The following EXOC4 variants were observed in gnomAD, a reference collection of about 807,000 sequenced individuals.
The protein encoded by EXOC4 is SEC8-like 1.
Under a neutral mutation model 107.2 loss-of-function variants are expected in EXOC4, and 71 were observed. The observed-to-expected ratio is 0.66, with a 90% CI of 0.55 to 0.81. EXOC4 has a LOEUF of 0.81. EXOC4 is among the 30% of genes least tolerant of loss of function. EXOC4 has a pLI of 0.00. For synonymous variants in EXOC4, 456 were observed against 441.2 expected, an observed-to-expected ratio of 1.03 and a Z score of -0.42; for missense variants, 1,108 against 1,189.6, an observed-to-expected ratio of 0.93 and a Z score of 1.01.
At chr7:133,253,230 G>C in intron 1 of EXOC4, 43 bp downstream of exon 1, 1 of 1,596,730 alleles carries the variant, frequency 6.3e-7, no homozygotes, top group South Asian at 1.1e-5. Context: ...GGGGGCAGCG[G>C]CTCGACCTCC....
At chr7:133,504,541 A>G (rs946122029) in intron 9 of EXOC4, among the ~76,000 whole-genome samples, 2 of 151,986 alleles carry the variant, frequency 1.3e-5, no homozygotes, top group Non-Finnish European at 2.9e-5. Flanking sequence ...CTACTGGCGC[A>G]TTTTTGCTTT....
chr7:133,757,433 A>G (rs542082234), intron 10 of EXOC4, among the ~76,000 whole-genome samples: 3 of 152,158 alleles, frequency 2.0e-5, no homozygotes, highest in Non-Finnish European at 4.4e-5. Context: ...TCAGCTTTGG[A>G]AGTGTCCAGG....
At chr7:133,773,249 T>A (rs185574774) in intron 10 of EXOC4, among the ~76,000 whole-genome samples, 3 of 152,138 alleles carry the variant, frequency 2.0e-5, no homozygotes, top group African/African-American at 4.8e-5. Context: ...TCAAGCTTTT[T>A]CAACCCAAGT....
chr7:134,063,066 A>G (rs1397838454), intron 17 of EXOC4, among the ~76,000 whole-genome samples: 1 of 152,208 alleles, frequency 6.6e-6, no homozygotes, highest in Non-Finnish European at 1.5e-5. Context: ...TCTCTGGAAG[A>G]AGGAAGTCCT....
At chr7:133,452,566 C>T (rs1798372162) in intron 7 of EXOC4, among the ~76,000 whole-genome samples, 1 of 149,316 alleles carries the variant, frequency 6.7e-6, no homozygotes, top group Admixed American at 6.7e-5. Flanking sequence ...CAACCTTTAG[C>T]TCTCTGTGCA....
chr7:133,961,282 T>TTTTC, intron 14 of EXOC4, among the ~76,000 whole-genome samples: 1 of 126,100 alleles, frequency 7.9e-6, no homozygotes, highest in Non-Finnish European at 1.7e-5. Flanking sequence ...ATGTCAAACT[T>TTTTC]TTTTTTTTTT....
intron 17 of EXOC4, among the ~76,000 whole-genome samples, chr7:134,063,304 C>T (rs967629715): frequency 9.2e-5 from 14 of 152,200 alleles, no homozygotes; most frequent in African/African-American, 3.4e-4. Context: ...AGTCCCACAC[C>T]ATCCCCTCAG....
At chr7:133,834,492 CT>C (rs1475386014) in intron 11 of EXOC4, among the ~76,000 whole-genome samples, 1 of 152,220 alleles carries the variant, frequency 6.6e-6, no homozygotes, top group Non-Finnish European at 1.5e-5. Context: ...TCTCGTACCC[CT>C]TTGTTCAGGT....
At chr7:133,766,652 C>G (rs1236639666) in intron 10 of EXOC4, among the ~76,000 whole-genome samples, 3 of 151,962 alleles carry the variant, frequency 2.0e-5, no homozygotes, top group Non-Finnish European at 4.4e-5. Flanking sequence ...TTAAGGAAAA[C>G]CTTGCCTGCC....
chr7:133,746,939 T>C (rs1294566789), intron 10 of EXOC4, among the ~76,000 whole-genome samples: 1 of 151,992 alleles, frequency 6.6e-6, no homozygotes, highest in Admixed American at 6.6e-5. Flanking sequence ...AAACAGGAGA[T>C]GAGAGAAAGA....
intron 9 of EXOC4, among the ~76,000 whole-genome samples, chr7:133,528,753 A>G (rs1360534929): frequency 3.9e-5 from 6 of 152,188 alleles, no homozygotes; most frequent in Admixed American, 3.9e-4. Flanking sequence ...GAGCCAACAC[A>G]TTTGTCTGAA....
intron 9 of EXOC4, among the ~76,000 whole-genome samples, chr7:133,540,913 A>G (rs1800366944): frequency 6.6e-6 from 1 of 152,206 alleles, no homozygotes; most frequent in Non-Finnish European, 1.5e-5. Flanking sequence ...TTTTTACACA[A>G]TGAATCGAAG....
rs561467703 is a variant in EXOC4 at position 133,400,339 on chromosome 7, G to C, written c.1182+25337G>C. Among the ~76,000 whole-genome samples the C allele has an allele frequency of 2.0e-5, 3 of 152,194 alleles. No homozygotes were observed. The East Asian group carries it at 5.8e-4, about 29-fold the overall frequency. On this transcript the variant is annotated intron_variant, in intron 7 of 17. Coordinates refer to ENST00000253861, the MANE Select transcript of EXOC4 (RefSeq NM_021807.4). Reference sequence around the variant, plus strand: ...CTTAGTTGGCAGATATTTATCAGTTGCCTACTCTATATACATCTCTTTGTT... The same window carrying C: ...CTTAGTTGGCAGATATTTATCAGTTCCCTACTCTATATACATCTCTTTGTT...
intron 11 of EXOC4, among the ~76,000 whole-genome samples, chr7:133,818,973 A>G (rs1483929719): frequency 6.6e-6 from 1 of 152,066 alleles, no homozygotes; most frequent in Non-Finnish European, 1.5e-5. Context: ...GAAGATTGGA[A>G]AGTGGGAGGA....
Position 133,729,695 on chromosome 7 carries a change from TTTAG to T in EXOC4, c.1515-87622_1515-87619del, listed in dbSNP as rs1274895820. 3.3e-5 allele frequency among the ~76,000 whole-genome samples: 5 copies of T among 152,268 alleles called. No individual in the cohort carries two copies. The East Asian group carries it at 5.8e-4, about 18-fold the overall frequency. ...TCTCAAGCTTTCTTGTTATTTTATTTTTAGTTAGTTATAGATTTTTCTTTTAGAG... is the reference window on the plus strand; with the variant it reads ...TCTCAAGCTTTCTTGTTATTTTATTTTTAGTTATAGATTTTTCTTTTAGAG... On this transcript the variant is annotated intron_variant, in intron 10 of 17. Transcript: ENST00000253861.
At chr7:133,253,401 C>T (rs1794939359) in intron 1 of EXOC4, 7 of 1,321,596 alleles carry the variant, frequency 5.3e-6, no homozygotes, top group Non-Finnish European at 5.8e-6. Context: ...GGAGCCCCGC[C>T]TCAGTCTTTT....
chr7:134,069,386 C>T (rs111413942), downstream of EXOC4, among the ~76,000 whole-genome samples: 257 of 145,586 alleles, frequency 1.8e-3, no homozygotes, highest in Middle Eastern at 0.011. Flanking sequence ...CCTCCTTCTC[C>T]GCCTCTTCTC....
chr7:133,381,264 G>GGAA (rs79672741), intron 7 of EXOC4, among the ~76,000 whole-genome samples: 2 of 151,834 alleles, frequency 1.3e-5, no homozygotes, highest in African/African-American at 4.8e-5. Context: ...ACAGTACTGA[G>GGAA]TATTAAGCTA....
At chr7:133,405,458 T>A (rs549584044) in intron 7 of EXOC4, among the ~76,000 whole-genome samples, 1 of 152,280 alleles carries the variant, frequency 6.6e-6, no homozygotes, top group South Asian at 2.1e-4. Flanking sequence ...TCAAAAAATA[T>A]TGATATAATT....
Sources: gnomAD v4.1 joint callset for allele counts (sites outside exome capture counted in the v4.1 genomes callset) on GRCh38, gnomAD v4.1.1 for gene constraint, MANE v1.5 for transcripts, NCBI Gene and HGNC (gene_info 2026-07-23, HGNC 2026-07-21) for gene names.